Variants in CFAP99 observed in about 807,000 individuals in gnomAD.
CFAP99 encodes the protein cilia- and flagella-associated protein 99.
In CFAP99, 84 loss-of-function variants were observed where a neutral mutation model predicts 82.7. That is an observed-to-expected ratio of 1.02 (90% CI 0.85 to 1.22). The LOEUF (loss-of-function observed/expected upper bound fraction) is 1.22, where lower values mean the gene tolerates loss of function less well. Ranked by LOEUF, CFAP99 falls within the 50% of genes most tolerant of loss-of-function variation. The pLI, the probability that CFAP99 is intolerant of heterozygous loss-of-function variation, is 0.00. For synonymous variants in CFAP99, 456 were observed against 429.5 expected (o/e 1.06, Z -0.76); for missense variants, 1,059 against 983.5 (o/e 1.08, Z -1.03).
intron 2 of CFAP99, among the ~76,000 whole-genome samples, chr4:2,434,571 C>T (rs1037127671): frequency 1.8e-4 from 27 of 152,248 alleles, no homozygotes; most frequent in African/African-American, 6.5e-4. Flanking sequence ...GCTGGAGGAA[C>T]TCATGCTGGG....
chr4:2,450,538 C>T (rs1410040980), intron 8 of CFAP99, among the ~76,000 whole-genome samples: 3 of 152,176 alleles, frequency 2.0e-5, no homozygotes, highest in East Asian at 3.9e-4. Flanking sequence ...CTGCAGCTTG[C>T]GGTGCCCACC....
At chr4:2,440,398 G>A (rs1387463287) in intron 4 of CFAP99, among the ~76,000 whole-genome samples, 5 of 149,788 alleles carry the variant, frequency 3.3e-5, no homozygotes, top group South Asian at 2.1e-4. Flanking sequence ...CGCCCGCCTC[G>A]GCCTCCCAAA....
At chr4:2,454,451 G>C (rs2108733079) in intron 11 of CFAP99, among the ~76,000 whole-genome samples, 1 of 151,344 alleles carries the variant, frequency 6.6e-6, no homozygotes, top group South Asian at 2.1e-4. Context: ...ATGATCTTTT[G>C]GAATACAAAT....
At chr4:2,459,349 C>A in intron 13 of CFAP99, 91 bp downstream of exon 13, 2 of 1,405,274 alleles carry the variant, frequency 1.4e-6, no homozygotes, top group African/African-American at 2.9e-5. Context: ...CCACCAGAGC[C>A]ACAGGTGGGT....
intron 1 of CFAP99, among the ~76,000 whole-genome samples, chr4:2,424,364 A>G (rs1446267755): frequency 3.3e-5 from 5 of 152,196 alleles, no homozygotes; most frequent in African/African-American, 7.2e-5. Flanking sequence ...AAGGCAGGAG[A>G]GTCGCTTGAA....
intron 4 of CFAP99, among the ~76,000 whole-genome samples, chr4:2,440,372 T>G (rs1219913299): frequency 2.7e-5 from 4 of 146,756 alleles, no homozygotes; most frequent in Admixed American, 2.7e-4. Flanking sequence ...GGTCTCGATC[T>G]CCTGACCTCG....
rs1316891891 is a variant in CFAP99 at position 2,458,897 on chromosome 4, C to T, written c.1303+33C>T. ...GGAGCCAGATGTCACTGGCCCTACC[C>T]CGCTCTTCCCCACTCGGGTGCTGGG... On this transcript the variant is annotated intron_variant, in intron 12 of 14. Transcript: ENST00000635017. The T allele has an allele frequency of 8.6e-6, 13 of 1,518,682 alleles. 2 individuals are homozygous for T. The highest frequency in any genetic ancestry group is 8.8e-6 in the Non-Finnish European group (10 of 1,137,034). The allele number at this position is 1,518,682 out of a possible 1,614,324, so 94.1% of individuals were successfully genotyped here. A position where few individuals can be genotyped will look rare whatever the true frequency, so the allele number is the denominator to read the frequency against.
intron 6 of CFAP99, 46 bp downstream of exon 6, chr4:2,445,354 G>A: frequency 2.3e-6 from 3 of 1,281,346 alleles, no homozygotes; most frequent in South Asian, 5.4e-5. Context: ...AGGCATCAGG[G>A]TAGCCAAGCT....
exon 2 of CFAP99, chr4:2,426,495 G>A (rs1198493014): frequency 6.5e-7 from 1 of 1,536,024 alleles, no homozygotes; most frequent in South Asian, 1.2e-5. Flanking sequence ...TATGGAAAAT[G>A]CATTGAAACT....
intron 2 of CFAP99, among the ~76,000 whole-genome samples, chr4:2,435,936 C>T (rs111682293): frequency 6.6e-6 from 1 of 150,912 alleles, no homozygotes; most frequent in Non-Finnish European, 1.5e-5. Flanking sequence ...CTCAGGAGGC[C>T]GAGGTGGGGA....
chr4:2,460,113 A>G, exon 14 of CFAP99: 3 of 1,536,122 alleles, frequency 2.0e-6, no homozygotes, highest in Non-Finnish European at 1.7e-6. Flanking sequence ...AAAGAGAATC[A>G]GCGGCGCAAG....
At chr4:2,436,764 T>G in intron 2 of CFAP99, 110 bp from the exon 3 acceptor site, 1 of 872,268 alleles carries the variant, frequency 1.1e-6, no homozygotes, top group Non-Finnish European at 1.8e-6. Context: ...AACAGGCCCT[T>G]TGCAGCCCCG....
intron 2 of CFAP99, among the ~76,000 whole-genome samples, chr4:2,432,097 A>G (rs1444524983): frequency 6.6e-6 from 1 of 152,252 alleles, no homozygotes; most frequent in Non-Finnish European, 1.5e-5. Flanking sequence ...GAGTGGGTTC[A>G]GCAGCTCCAT....
intron 1 of CFAP99, among the ~76,000 whole-genome samples, chr4:2,420,821 C>A (rs1194053105): frequency 6.6e-6 from 1 of 152,122 alleles, no homozygotes; most frequent in Non-Finnish European, 1.5e-5. Context: ...GGATGGCTGC[C>A]CACATTCCTG....
At chr4:2,425,903 G>A (rs571035120) in intron 1 of CFAP99, among the ~76,000 whole-genome samples, 9 of 152,178 alleles carry the variant, frequency 5.9e-5, no homozygotes, top group African/African-American at 1.4e-4. Context: ...TTCCCCCATC[G>A]TCAGGATGGC....
intron 11 of CFAP99, among the ~76,000 whole-genome samples, chr4:2,454,908 C>T (rs1190144629): frequency 6.6e-6 from 1 of 151,516 alleles, no homozygotes; most frequent in Non-Finnish European, 1.5e-5. Flanking sequence ...AGGTGTGAGC[C>T]ACCATGCCCG....
At chr4:2,425,451 C>A (rs893844647) in intron 1 of CFAP99, among the ~76,000 whole-genome samples, 2 of 152,248 alleles carry the variant, frequency 1.3e-5, no homozygotes, top group African/African-American at 4.8e-5. Context: ...AGTCAGTCCC[C>A]AGCCTGGAGG....
chr4:2,433,725 A>T (rs1158541778), intron 2 of CFAP99, among the ~76,000 whole-genome samples: 2 of 152,212 alleles, frequency 1.3e-5, no homozygotes, highest in Non-Finnish European at 2.9e-5. Context: ...CCATGCCGCG[A>T]CTGGGACAGG....
intron 11 of CFAP99, 100 bp downstream of exon 11, chr4:2,452,446 C>A: frequency 7.9e-7 from 1 of 1,266,590 alleles, no homozygotes; most frequent in Non-Finnish European, 1.1e-6. Flanking sequence ...TGAGTGTCCA[C>A]AGCGCCCCCG....
Sources: allele counts gnomAD v4.1 joint callset (sites outside exome capture counted in the v4.1 genomes callset), GRCh38; gene constraint gnomAD v4.1.1; transcripts MANE v1.5; gene names NCBI Gene and HGNC (gene_info 2026-07-23, HGNC 2026-07-21).